C22orf31: variants seen among roughly 807,000 people sequenced by gnomAD.
The protein encoded by C22orf31 is chromosome 22 open reading frame 31.
Under a neutral mutation model 15.0 loss-of-function variants are expected in C22orf31, and 11 were observed. That is an observed-to-expected ratio of 0.73 (90% confidence interval 0.46 to 1.21). C22orf31 has a LOEUF of 1.21. C22orf31 is among the 50% of genes most tolerant of loss of function. The probability of loss-of-function intolerance (pLI) is 0.00; values close to 1 mark genes in which losing one functional copy is unlikely to be tolerated. For missense variants in C22orf31, 340 were observed against 347.2 expected (o/e 0.98, Z 0.17); for synonymous variants, 132 against 133.3 (o/e 0.99, Z 0.07).
chr22:29,061,836 G>C (rs775877715), upstream of C22orf31: 2 of 1,450,250 alleles, frequency 1.4e-6, no homozygotes, highest in Admixed American at 4.1e-5. Flanking sequence ...TTAGTAAGGG[G>C]AAGAAATATG....
At chr22:29,071,018 T>C in the C22orf31 span, among the ~76,000 whole-genome samples, 1 of 152,148 alleles carries the variant, frequency 6.6e-6, no homozygotes, top group Non-Finnish European at 1.5e-5. Flanking sequence ...TCTCATTTCA[T>C]TCTCTTCAAA....
intron 2 of C22orf31, chr22:29,060,029 T>A: frequency 1.1e-6 from 1 of 908,154 alleles, no homozygotes; most frequent in Non-Finnish European, 1.3e-6. Flanking sequence ...TTCTTTTTTT[T>A]TTTTTTTTTT....
At chr22:29,064,268 C>T (rs372359570), upstream of C22orf31, among the ~76,000 whole-genome samples, 25 of 152,324 alleles carry the variant, frequency 1.6e-4, no homozygotes, top group South Asian at 5.2e-3. Context: ...AGTTCTAGTC[C>T]TGTCCTTGTC....
Position 29,060,514 on chromosome 22 carries a change from T to C in C22orf31, c.333A>G (p.Ser111=). 1.2e-6 allele frequency: 2 copies of C among 1,614,170 alleles called. No individual in the cohort carries two copies. The highest frequency in any genetic ancestry group is 8.5e-7 in the Non-Finnish European group (1 of 1,180,026). ...TGGCCTGCTGGGTGGCTTTCATCAC[T>C]GAATCGTCCTTGTGCTTTAATCTCT... ...LSKRLKHKDD[S]VMKATQQARK... Residue 111 remains serine (S), a synonymous_variant, in exon 2 of 3, where the codon TCA becomes TCG. Coordinates refer to ENST00000216071, the MANE Select transcript of C22orf31 (RefSeq NM_015370.2).
rs762082122 is a variant in C22orf31 at position 29,059,005 on chromosome 22, T to C, written c.610A>G (p.Thr204Ala). 9 of 1,614,242 alleles carry C rather than the reference T, an allele frequency of 5.6e-6. No individual in the cohort carries two copies. Among genetic ancestry groups the C allele is most frequent in the Non-Finnish European group, 7.6e-6 (9 of 1,180,044 alleles). The change falls in exon 3 of 3, where the codon ACC (threonine) becomes GCC (alanine). Residue 204 changes from threonine (T) to alanine (A), a missense_variant. Physicochemically the swap from Thr to Ala is moderately conservative, Grantham distance 58. Coordinates refer to ENST00000216071, the MANE Select transcript of C22orf31 (RefSeq NM_015370.2). ...KRQQLSEDTL[T>A]IHGLPTEGYQ... is the part of the protein sequence containing the mutation. ...CCCTCTGTGGGGAGACCATGGATGG[T>C]TAGCGTGTCCTCCGACAACTGCTGT...
At chr22:29,073,207 C>T in the C22orf31 span, 7 of 1,185,142 alleles carry the variant, frequency 5.9e-6, no homozygotes, top group African/African-American at 1.1e-4. The surrounding 1 kb of genome is among the most constrained non-coding windows in gnomAD (Gnocchi z 4.4). Context: ...GCGCCTAGCC[C>T]CGGCCTCGGC....
At chr22:29,061,047 C>T (rs2123900108) in intron 1 of C22orf31, among the ~76,000 whole-genome samples, 1 of 152,250 alleles carries the variant, frequency 6.6e-6, no homozygotes, top group Admixed American at 6.5e-5. Flanking sequence ...CACAAGGTTA[C>T]AGTAATATTC....
At chr22:29,064,719 T>G (rs1220780412), upstream of C22orf31, among the ~76,000 whole-genome samples, 2 of 101,448 alleles carry the variant, frequency 2.0e-5, no homozygotes, top group East Asian at 3.3e-4. Flanking sequence ...TTTTTTTTTT[T>G]TTGTAGAGAT....
At chr22:29,066,534 C>CTTTT (rs1407769658), upstream of C22orf31, among the ~76,000 whole-genome samples, 2 of 65,116 alleles carry the variant, frequency 3.1e-5, no homozygotes, top group African/African-American at 1.0e-4. Flanking sequence ...CTTTTCTTTT[C>CTTTT]TTTTCTTTTT....
chr22:29,072,129 GT>G, the C22orf31 span, among the ~76,000 whole-genome samples: 2,167 of 151,980 alleles, frequency 0.014, 49 homozygotes, highest in African/African-American at 0.039. Flanking sequence ...CCATGCTTTC[GT>G]TTTGGTTTTT....
the C22orf31 span, among the ~76,000 whole-genome samples, chr22:29,071,803 G>C: frequency 6.6e-6 from 1 of 152,234 alleles, no homozygotes; most frequent in African/African-American, 2.4e-5. Context: ...TACCACGCTG[G>C]GGCCGAAAGT....
the C22orf31 span, among the ~76,000 whole-genome samples, chr22:29,069,998 T>G: frequency 9.1e-5 from 13 of 142,496 alleles, no homozygotes; most frequent in African/African-American, 3.5e-4. Context: ...CAGGCTGGAG[T>G]GCAGTGGCAC....
the C22orf31 span, among the ~76,000 whole-genome samples, chr22:29,068,739 G>A: frequency 1.3e-5 from 2 of 148,386 alleles, no homozygotes. Flanking sequence ...AAAAAGACAA[G>A]GAGGTGGCTC....
chr22:29,066,886 C>G, the C22orf31 span, among the ~76,000 whole-genome samples: 2 of 152,072 alleles, frequency 1.3e-5, no homozygotes, highest in Admixed American at 1.3e-4. Flanking sequence ...CTAACCCAAA[C>G]CCTACTGTGA....
intron 1 of C22orf31, among the ~76,000 whole-genome samples, chr22:29,061,521 C>T (rs2037391820): frequency 6.6e-6 from 1 of 152,158 alleles, no homozygotes; most frequent in African/African-American, 2.4e-5. Context: ...CCGCCTCAGC[C>T]TCCCAAAGTG....
the C22orf31 span, among the ~76,000 whole-genome samples, chr22:29,068,694 G>A: frequency 6.6e-6 from 1 of 151,014 alleles, no homozygotes; most frequent in Non-Finnish European, 1.5e-5. Context: ...ACAGGCGTAA[G>A]CCACCGTGCC....
chr22:29,065,882 T>C (rs897197601), upstream of C22orf31, among the ~76,000 whole-genome samples: 2 of 152,238 alleles, frequency 1.3e-5, no homozygotes, highest in Non-Finnish European at 2.9e-5. Flanking sequence ...CATGAAGCTT[T>C]TTTATTCTGC....
At chr22:29,072,800 T>C in the C22orf31 span, among the ~76,000 whole-genome samples, 1 of 151,884 alleles carries the variant, frequency 6.6e-6, no homozygotes, top group Non-Finnish European at 1.5e-5. Context: ...ATCCTACCCT[T>C]GGATGGGACA....
chr22:29,068,399 T>C, the C22orf31 span, among the ~76,000 whole-genome samples: 15 of 143,374 alleles, frequency 1.0e-4, no homozygotes, highest in African/African-American at 4.0e-4. Context: ...CTCAAGACCC[T>C]GTCTTTAAAT....
Sources: allele counts gnomAD v4.1 joint callset (sites outside exome capture counted in the v4.1 genomes callset), GRCh38; gene constraint gnomAD v4.1.1; non-coding constraint Gnocchi (gnomAD v3.1); transcripts MANE v1.5; gene names NCBI Gene and HGNC (gene_info 2026-07-23, HGNC 2026-07-21).